Variants in EYS observed in about 807,000 individuals in gnomAD.
EYS encodes the protein protein eyes shut homolog.
A neutral mutation model predicts 282.1 loss-of-function variants in EYS; 250 were observed. The ratio of observed to expected loss-of-function variants is 0.89; its 90% CI spans 0.80 to 0.98. EYS has a LOEUF of 0.98. Among genes scored for constraint, EYS ranks in the 50% least tolerant of loss-of-function variants. The pLI, the probability that EYS is intolerant of heterozygous loss-of-function variation, is 0.00. For missense variants in EYS, 4,016 were observed against 3,709.0 expected (o/e 1.08, Z -2.15); for synonymous variants, 1,355 against 1,282.9 (o/e 1.06, Z -1.20).
chr6:64,080,104 A>C (rs1271606882), intron 32 of EYS, among the ~76,000 whole-genome samples: 6 of 152,190 alleles, frequency 3.9e-5, no homozygotes, highest in Admixed American at 2.0e-4. Context: ...GGCTGGGTCA[A>C]ATGGTATTTC....
intron 2 of EYS, among the ~76,000 whole-genome samples, chr6:65,497,724 C>A (rs897319246): frequency 6.6e-6 from 1 of 151,942 alleles, no homozygotes; most frequent in Non-Finnish European, 1.5e-5. Context: ...TTGGAAACTG[C>A]GACTTCAAGC....
intron 35 of EYS, among the ~76,000 whole-genome samples, chr6:63,907,844 C>T (rs140841533): frequency 1.3e-3 from 192 of 151,894 alleles, no homozygotes; most frequent in Non-Finnish European, 2.0e-3. Context: ...TATTTAGCTC[C>T]CACTTATAAG....
chr6:64,851,962 C>T (rs888293737), intron 19 of EYS, among the ~76,000 whole-genome samples: 4 of 151,904 alleles, frequency 2.6e-5, no homozygotes, highest in Non-Finnish European at 5.9e-5. Flanking sequence ...AATTTACCCC[C>T]GAACATAAAT....
intron 32 of EYS, among the ~76,000 whole-genome samples, chr6:64,071,070 TTAAG>T (rs925771345): frequency 5.4e-4 from 82 of 152,108 alleles, no homozygotes; most frequent in African/African-American, 1.7e-3. Context: ...TCAACATTAA[TTAAG>T]TGTTTCTTTA....
At chr6:64,115,459 G>A (rs1773347859) in intron 31 of EYS, among the ~76,000 whole-genome samples, 1 of 152,054 alleles carries the variant, frequency 6.6e-6, no homozygotes, top group Admixed American at 6.5e-5. Flanking sequence ...TTTTCCCCAT[G>A]AGAGAAAAAG....
chr6:63,806,079 C>A (rs1770899329), intron 37 of EYS, 111 bp downstream of exon 37: 1 of 872,770 alleles, frequency 1.1e-6, no homozygotes, highest in African/African-American at 1.7e-5. Context: ...GAGGAGGCTG[C>A]ATCTAGGCAA....
intron 12 of EYS, among the ~76,000 whole-genome samples, chr6:65,149,593 C>T (rs940684001): frequency 6.7e-6 from 1 of 148,348 alleles, no homozygotes; most frequent in African/African-American, 2.5e-5. Flanking sequence ...CATCTGAGAC[C>T]ACCTCTGGCT....
At chr6:64,314,282 A>G (rs1305736444) in intron 29 of EYS, among the ~76,000 whole-genome samples, 1 of 151,750 alleles carries the variant, frequency 6.6e-6, no homozygotes, top group Non-Finnish European at 1.5e-5. Context: ...CCAAAGAGAC[A>G]AAGAAGGGCA....
chr6:65,654,652 G>A (rs1767758022), intron 1 of EYS, among the ~76,000 whole-genome samples: 1 of 151,640 alleles, frequency 6.6e-6, no homozygotes, highest in Non-Finnish European at 1.5e-5. Flanking sequence ...TACCAGCTGA[G>A]AGTCCATTAA....
chr6:65,409,980 T>C (rs1040060934), intron 5 of EYS, among the ~76,000 whole-genome samples: 2 of 152,084 alleles, frequency 1.3e-5, no homozygotes, highest in South Asian at 4.1e-4. Flanking sequence ...AGCATTTATT[T>C]TGATCATACA....
At chr6:65,484,993 A>G (rs1015639675) in intron 5 of EYS, among the ~76,000 whole-genome samples, 2 of 152,232 alleles carry the variant, frequency 1.3e-5, no homozygotes, top group African/African-American at 4.8e-5. Context: ...TAAAATATTT[A>G]CTATCTAACT....
chr6:65,055,966 T>C (rs968264077), intron 13 of EYS, among the ~76,000 whole-genome samples: 3 of 152,008 alleles, frequency 2.0e-5, no homozygotes, highest in African/African-American at 7.2e-5. Flanking sequence ...GCTGTCCAAA[T>C]TTAAGGGATG....
At chr6:64,748,041 CA>C (rs960005581) in intron 22 of EYS, among the ~76,000 whole-genome samples, 7 of 152,144 alleles carry the variant, frequency 4.6e-5, no homozygotes, top group Non-Finnish European at 7.3e-5. Context: ...AAATAAATGT[CA>C]TCAAGAATAC....
Position 63,721,932 on chromosome 6 carries a change from G to T in EYS, c.8234-135C>A, listed in dbSNP as rs142523659. On this transcript the variant is annotated intron_variant, in intron 42 of 42. Coordinates refer to ENST00000503581, the MANE Select transcript of EYS (RefSeq NM_001142800.2). ...ACAGATCTTGAGCACAATTGTGTTA[G>T]TTTTGTTTCCACTCACAGAGCAAAA... The T allele has an allele frequency of 1.8e-4, 140 of 792,776 alleles. No individual in the cohort carries two copies. The Middle Eastern group carries it at 1.9e-3, about 11-fold the overall frequency. The allele number at this position is 792,776 out of a possible 1,614,324, so 49.1% of individuals were successfully genotyped here.
At chr6:65,653,969 A>G (rs1767737714) in intron 1 of EYS, among the ~76,000 whole-genome samples, 1 of 151,874 alleles carries the variant, frequency 6.6e-6, no homozygotes, top group Admixed American at 6.6e-5. Flanking sequence ...CCGAGCTGCC[A>G]TTTTCATTTC....
intron 26 of EYS, among the ~76,000 whole-genome samples, chr6:64,515,563 C>A (rs1029525412): frequency 1.3e-5 from 2 of 150,988 alleles, no homozygotes; most frequent in African/African-American, 4.9e-5. Context: ...TATCAAGTGG[C>A]AAAAAGTTTA....
At chr6:64,977,329 A>G (rs1458755387) in intron 14 of EYS, among the ~76,000 whole-genome samples, 1 of 151,934 alleles carries the variant, frequency 6.6e-6, no homozygotes, top group Non-Finnish European at 1.5e-5. Flanking sequence ...TTATGTTACT[A>G]TTGAAGTTAC....
At chr6:64,682,765 C>T (rs971383189) in intron 22 of EYS, among the ~76,000 whole-genome samples, 13 of 152,162 alleles carry the variant, frequency 8.5e-5, no homozygotes, top group African/African-American at 3.1e-4. Context: ...TGGATTTCTT[C>T]CAAACGTACC....
In EYS at chr6:64,380,365, T is replaced by A. The variant is rs760635361; in HGVS notation, c.6078+8325A>T. ...TGGTTTCTTTTCATTTATAGCTTCATCACTTTTCAAACTCAGTACTGATGT... is the reference window on the plus strand; with the variant it reads ...TGGTTTCTTTTCATTTATAGCTTCAACACTTTTCAAACTCAGTACTGATGT... On this transcript the variant is annotated intron_variant, in intron 29 of 42. Coordinates refer to ENST00000503581, the MANE Select transcript of EYS (RefSeq NM_001142800.2). 7.9e-5 allele frequency among the ~76,000 whole-genome samples: 12 copies of A among 152,314 alleles called. No individual in the cohort carries two copies. The East Asian group carries it at 2.3e-3, about 29-fold the overall frequency.
Sources: allele counts gnomAD v4.1 joint callset (sites outside exome capture counted in the v4.1 genomes callset), GRCh38; gene constraint gnomAD v4.1.1; transcripts MANE v1.5; gene names NCBI Gene and HGNC (gene_info 2026-07-23, HGNC 2026-07-21).